Variants in GRIA4 observed in about 807,000 individuals in gnomAD.
The protein encoded by GRIA4 is glutamate receptor 4.
A neutral mutation model predicts 104.0 loss-of-function variants in GRIA4; 34 were observed. That is an observed-to-expected ratio of 0.33 (90% CI 0.25 to 0.44). The LOEUF (loss-of-function observed/expected upper bound fraction) is 0.44. GRIA4 is among the 20% of genes least tolerant of loss of function. The pLI is 1.00. For missense variants in GRIA4, 750 were observed against 1,096.5 expected (o/e 0.68, Z 4.46); for synonymous variants, 386 against 381.9 (o/e 1.01, Z -0.13).
At chr11:105,907,961 A>T (rs767238417) in intron 9 of GRIA4, among the ~76,000 whole-genome samples, 6 of 152,096 alleles carry the variant, frequency 3.9e-5, no homozygotes, top group Admixed American at 6.6e-5. Context: ...ATCTTGACTC[A>T]GGTTTCAAGA....
In GRIA4 at chr11:105,924,774, GT is replaced by G; in HGVS notation, c.1847+8del. ...AGGATGTGACATTTCACCCAGGTTA[GT>G]TTCAAATCTCTTAAGTTCTTCACTG... On this transcript the variant is annotated splice_donor_region_variant and intron_variant, in intron 12 of 16. Coordinates refer to ENST00000282499, the MANE Select transcript of GRIA4 (RefSeq NM_000829.4). The G allele has an allele frequency of 2.5e-6, 4 of 1,585,384 alleles. No homozygotes were observed. Among genetic ancestry groups the G allele is most frequent in the Non-Finnish European group, 3.4e-6 (4 of 1,163,746 alleles).
intron 3 of GRIA4, among the ~76,000 whole-genome samples, chr11:105,649,539 A>G (rs186552627): frequency 5.3e-5 from 8 of 152,272 alleles, no homozygotes; most frequent in Admixed American, 1.3e-4. Context: ...CTACATTAGT[A>G]CTGGCCTATA....
chr11:105,964,342 TATG>T (rs1483411094), intron 14 of GRIA4, among the ~76,000 whole-genome samples: 6 of 152,220 alleles, frequency 3.9e-5, no homozygotes. Context: ...GTGGTTTACT[TATG>T]AGAACTGTTT....
Position 105,633,139 on chromosome 11 carries a change from T to C in GRIA4, c.247+20705T>C, listed in dbSNP as rs143234610. ...CAAGAAAGGTAACTTCTATAGGTGCTCACTAACGACTCAATGAATTAGTGC... is the reference window on the plus strand; with the variant it reads ...CAAGAAAGGTAACTTCTATAGGTGCCCACTAACGACTCAATGAATTAGTGC... On this transcript the variant is annotated intron_variant, in intron 3 of 16. Coordinates refer to ENST00000282499, the MANE Select transcript of GRIA4 (RefSeq NM_000829.4). Among the ~76,000 whole-genome samples, 225 of 152,338 alleles carry C rather than the reference T, an allele frequency of 1.5e-3. 2 individuals are homozygous for C. Among genetic ancestry groups the C allele is most frequent in the African/African-American group, 5.0e-3 (208 of 41,586 alleles).
chr11:105,678,018 G>A (rs1203461139), intron 3 of GRIA4, among the ~76,000 whole-genome samples: 37 of 151,922 alleles, frequency 2.4e-4, no homozygotes. Flanking sequence ...TATCACTAAG[G>A]CTTCACATAG....
chr11:105,620,533 C>T (rs973962), intron 3 of GRIA4, among the ~76,000 whole-genome samples: 149,592 of 151,832 alleles, frequency 0.99, 73,725 homozygotes, highest in Middle Eastern at 1. Context: ...GCCGGTTAAC[C>T]TTTAATTCTG....
intron 3 of GRIA4, among the ~76,000 whole-genome samples, chr11:105,692,221 G>T (rs1010355140): frequency 2.0e-5 from 3 of 151,458 alleles, no homozygotes; most frequent in African/African-American, 7.3e-5. Context: ...TCTGCATTAG[G>T]CACATTACAT....
At chr11:105,897,128 C>T (rs1239735411) in intron 6 of GRIA4, among the ~76,000 whole-genome samples, 1 of 151,992 alleles carries the variant, frequency 6.6e-6, no homozygotes, top group East Asian at 1.9e-4. Context: ...CTCTAACCTT[C>T]TTGGTTAAAT....
At chr11:105,915,121 G>C (rs946121677) in intron 10 of GRIA4, among the ~76,000 whole-genome samples, 4 of 152,194 alleles carry the variant, frequency 2.6e-5, no homozygotes, top group Non-Finnish European at 5.9e-5. Flanking sequence ...AGAAACAGCA[G>C]AGCTGAGCAA....
intron 3 of GRIA4, among the ~76,000 whole-genome samples, chr11:105,686,756 T>C (rs1952895272): frequency 6.6e-6 from 1 of 152,182 alleles, no homozygotes. Context: ...GAGTTTTTAG[T>C]AATAGCCATT....
At chr11:105,922,181 T>C (rs556770208) in intron 11 of GRIA4, among the ~76,000 whole-genome samples, 1 of 152,256 alleles carries the variant, frequency 6.6e-6, no homozygotes, top group South Asian at 2.1e-4. Flanking sequence ...GGGGGCAGAT[T>C]ATTACAGTAA....
intron 3 of GRIA4, among the ~76,000 whole-genome samples, chr11:105,734,375 T>C (rs1938802033): frequency 6.6e-6 from 1 of 152,128 alleles, no homozygotes; most frequent in Non-Finnish European, 1.5e-5. Flanking sequence ...TGTATTTCTC[T>C]TGCTCTTCAC....
chr11:105,784,688 A>T (rs904402152), intron 4 of GRIA4, among the ~76,000 whole-genome samples: 1 of 152,192 alleles, frequency 6.6e-6, no homozygotes, highest in Non-Finnish European at 1.5e-5. Flanking sequence ...ACAAGTATGC[A>T]AATTTAAAAT....
intron 14 of GRIA4, among the ~76,000 whole-genome samples, chr11:105,941,239 T>A (rs1259872606): frequency 6.6e-6 from 1 of 152,194 alleles, no homozygotes; most frequent in East Asian, 1.9e-4. Context: ...AAAGTCTTTT[T>A]TTATGATTGA....
intron 14 of GRIA4, among the ~76,000 whole-genome samples, chr11:105,958,762 C>A (rs1948657472): frequency 6.6e-6 from 1 of 151,988 alleles, no homozygotes; most frequent in African/African-American, 2.4e-5. Flanking sequence ...TTTTCCCTTC[C>A]ATATTTAGTG....
chr11:105,901,784 T>A (rs1340241229), intron 7 of GRIA4, among the ~76,000 whole-genome samples: 1 of 152,202 alleles, frequency 6.6e-6, no homozygotes, highest in Non-Finnish European at 1.5e-5. Flanking sequence ...AAAAGTGCAT[T>A]TGCTTTTTGG....
At chr11:105,761,824 AT>A (rs1263281312) in intron 4 of GRIA4, among the ~76,000 whole-genome samples, 8 of 152,230 alleles carry the variant, frequency 5.3e-5, no homozygotes, top group African/African-American at 1.9e-4. Context: ...CCCATCGGCA[AT>A]AGTTTTCAAT....
intron 14 of GRIA4, chr11:105,965,994 T>C (rs748231402): frequency 1.5e-5 from 24 of 1,613,466 alleles, no homozygotes; most frequent in African/African-American, 1.3e-5. Flanking sequence ...CAAGGCCTCT[T>C]GGACAAATTG....
At chr11:105,929,568 C>T (rs1938912) in intron 13 of GRIA4, among the ~76,000 whole-genome samples, 13,592 of 152,118 alleles carry the variant, frequency 0.089, 794 homozygotes, top group Admixed American at 0.18. Flanking sequence ...ACACAGTGAT[C>T]TTCATTTCAA....
Sources: gnomAD v4.1 joint callset for allele counts (sites outside exome capture counted in the v4.1 genomes callset) on GRCh38, gnomAD v4.1.1 for gene constraint, MANE v1.5 for transcripts, NCBI Gene and HGNC (gene_info 2026-07-23, HGNC 2026-07-21) for gene names.